B3GALT1: variants seen among roughly 807,000 people sequenced by gnomAD.
The protein encoded by B3GALT1 is UDP-Gal:betaGlcNAc beta 1,3-galactosyltransferase, polypeptide 1.
Under a neutral mutation model 23.2 loss-of-function variants are expected in B3GALT1, and 10 were observed. That is an observed-to-expected ratio of 0.43 (90% CI 0.27 to 0.73). The LOEUF is 0.73. Ranked by LOEUF, B3GALT1 falls within the 30% of genes least tolerant of loss-of-function variation. The pLI is 0.21. For synonymous variants in B3GALT1, 156 were observed against 141.5 expected, an observed-to-expected ratio of 1.10 and a Z score of -0.73; for missense variants, 299 against 405.4, an observed-to-expected ratio of 0.74 and a Z score of 2.25.
chr2:167,379,243 C>A (rs1697807421), intron 1 of B3GALT1, among the ~76,000 whole-genome samples: 1 of 152,082 alleles, frequency 6.6e-6, no homozygotes, highest in South Asian at 2.1e-4. Context: ...AACTCTCTAT[C>A]ATGAGAACAG....
chr2:167,658,162 A>G (rs1448837), intron 3 of B3GALT1, among the ~76,000 whole-genome samples: 146,768 of 152,202 alleles, frequency 0.96, 70,933 homozygotes, highest in Non-Finnish European at 1. Flanking sequence ...CAACATAGAC[A>G]GGGCTCCTGC....
At chr2:167,835,469 G>A (rs573161968) in intron 4 of B3GALT1, among the ~76,000 whole-genome samples, 14 of 152,350 alleles carry the variant, frequency 9.2e-5, no homozygotes, top group South Asian at 4.1e-4. Flanking sequence ...AAGTGGCAGC[G>A]AGGCTGGGGG....
chr2:167,446,268 C>A (rs529220837), intron 1 of B3GALT1, among the ~76,000 whole-genome samples: 1 of 152,304 alleles, frequency 6.6e-6, no homozygotes, highest in African/African-American at 2.4e-5. Context: ...TGTGGGTAAC[C>A]TGACCTTACT....
chr2:167,605,703 C>G (rs1291952797), intron 2 of B3GALT1, among the ~76,000 whole-genome samples: 1 of 152,186 alleles, frequency 6.6e-6, no homozygotes, highest in Non-Finnish European at 1.5e-5. Context: ...GAATTTGCAG[C>G]CATCTTTATT....
At chr2:167,606,290 G>A (rs1684960974) in intron 2 of B3GALT1, among the ~76,000 whole-genome samples, 1 of 152,064 alleles carries the variant, frequency 6.6e-6, no homozygotes, top group Non-Finnish European at 1.5e-5. Flanking sequence ...AACCTATGGG[G>A]GAATGTGCTT....
chr2:167,873,971 G>A lies in B3GALT1; in HGVS notation c.*3951G>A, dbSNP rs749518437. 1 of 152,302 alleles carries A rather than the reference G, an allele frequency of 6.6e-6. No homozygotes were observed. Among genetic ancestry groups the A allele is most frequent in the Admixed American group, 6.5e-5 (1 of 15,306 alleles). 9.4% of individuals were successfully genotyped at this position (152,302 alleles called of 1,614,324 possible). Reference sequence around the variant, plus strand: ...GCAATGCTTATGTACAGGCCCATCTGTCATGAGGAAGATTATGGTTCCATA... The same window carrying A: ...GCAATGCTTATGTACAGGCCCATCTATCATGAGGAAGATTATGGTTCCATA... On this transcript the variant is annotated 3_prime_UTR_variant, in exon 5 of 5. Transcript: ENST00000392690.
intron 3 of B3GALT1, among the ~76,000 whole-genome samples, chr2:167,746,699 A>G (rs1356193259): frequency 2.0e-5 from 3 of 152,240 alleles, no homozygotes; most frequent in South Asian, 2.1e-4. Flanking sequence ...AAAAATTAGT[A>G]TTCCATGTTA....
rs143365712 is a variant in B3GALT1 at position 167,824,862 on chromosome 2, C to T, written c.-230+6069C>T. 1.5e-4 allele frequency among the ~76,000 whole-genome samples: 23 copies of T among 152,282 alleles called. No homozygotes were observed. In the East Asian group the frequency reaches 4.4e-3, roughly 29 times the overall value. On this transcript the variant is annotated intron_variant, in intron 4 of 4. Transcript: ENST00000392690. The stretch of plus-strand genomic sequence containing the variant: ...AATTTACCTTTGCATATGTTGCATT[C>T]AGATGCCCTTCAGATATCCAAGTAC...
At chr2:167,302,818 A>G (rs1272337446) in intron 1 of B3GALT1, among the ~76,000 whole-genome samples, 1 of 152,202 alleles carries the variant, frequency 6.6e-6, no homozygotes, top group Non-Finnish European at 1.5e-5. Flanking sequence ...AAAGCTAAAA[A>G]TCATGCTTCC....
At chr2:167,332,189 C>T (rs1574036431) in intron 1 of B3GALT1, among the ~76,000 whole-genome samples, 2 of 152,102 alleles carry the variant, frequency 1.3e-5, no homozygotes, top group African/African-American at 4.8e-5. Flanking sequence ...TATAGGAGTC[C>T]ACAGCAGGAA....
chr2:167,866,348 T>C lies in B3GALT1; in HGVS notation c.-229-2463T>C, dbSNP rs550345885. ...TATTCCAGTAGCCTCCTAATGTAAA[T>C]TTTTATTCCACCATTTTATCCATTT... is the stretch of plus-strand genomic sequence containing the variant. On this transcript the variant is annotated intron_variant, in intron 4 of 4. Coordinates refer to ENST00000392690, the MANE Select transcript of B3GALT1 (RefSeq NM_020981.4). Among the ~76,000 whole-genome samples the C allele has an allele frequency of 2.0e-5, 3 of 152,316 alleles. No individual in the cohort carries two copies. In the South Asian group the frequency reaches 6.2e-4, roughly 32 times the overall value.
chr2:167,373,205 C>G (rs901643959), intron 1 of B3GALT1, among the ~76,000 whole-genome samples: 1 of 151,954 alleles, frequency 6.6e-6, no homozygotes, highest in Admixed American at 6.6e-5. Flanking sequence ...TACTGCACAT[C>G]ATATTCAAAA....
At chr2:167,840,209 C>G (rs1689608921) in intron 4 of B3GALT1, among the ~76,000 whole-genome samples, 1 of 151,570 alleles carries the variant, frequency 6.6e-6, no homozygotes, top group Admixed American at 6.6e-5. Context: ...AGCTTCTGCA[C>G]AGCAAAAGAA....
chr2:167,651,417 G>A (rs767884739), intron 3 of B3GALT1, among the ~76,000 whole-genome samples: 6 of 151,956 alleles, frequency 3.9e-5, no homozygotes, highest in South Asian at 2.1e-4. Context: ...TAACATCTTC[G>A]TTACTTTCCC....
chr2:167,652,930 A>G (rs1413016494), intron 3 of B3GALT1, among the ~76,000 whole-genome samples: 3 of 152,312 alleles, frequency 2.0e-5, no homozygotes, highest in African/African-American at 2.4e-5. Flanking sequence ...GTGTATTTAT[A>G]TGGATGTGTA....
At chr2:167,701,256 C>T (rs1167007639) in intron 3 of B3GALT1, among the ~76,000 whole-genome samples, 2 of 151,798 alleles carry the variant, frequency 1.3e-5, no homozygotes, top group Non-Finnish European at 2.9e-5. Context: ...AACACTAATT[C>T]CTGAAGCTTT....
chr2:167,780,473 G>A (rs1688228406), intron 3 of B3GALT1, among the ~76,000 whole-genome samples: 1 of 152,174 alleles, frequency 6.6e-6, no homozygotes, highest in Admixed American at 6.5e-5. Context: ...CTTGTTCATT[G>A]GCAGGCACTT....
chr2:167,479,011 C>T (rs1466024094), intron 1 of B3GALT1, among the ~76,000 whole-genome samples: 2 of 152,002 alleles, frequency 1.3e-5, no homozygotes, highest in Non-Finnish European at 2.9e-5. Flanking sequence ...TTTCAGTGAT[C>T]CTAGGTCGCG....
At position 167,873,215 on chromosome 2, in the gene B3GALT1, T is replaced by C. The variant is rs1050702059; in HGVS notation, c.*3195T>C. The C allele has an allele frequency of 1.3e-5, 2 of 152,214 alleles. No individual in the cohort carries two copies. Among genetic ancestry groups the C allele is most frequent in the Non-Finnish European group, 2.9e-5 (2 of 68,042 alleles). The allele number at this position is 152,214 out of a possible 1,614,324, so 9.4% of individuals were successfully genotyped here. Reference sequence around the variant, plus strand: ...TGGATAATAACAGTATCAGTGTCTATGTTCTTAAAGTTCCTTTTTTTAATT... The same window carrying C: ...TGGATAATAACAGTATCAGTGTCTACGTTCTTAAAGTTCCTTTTTTTAATT... On this transcript the variant is annotated 3_prime_UTR_variant, in exon 5 of 5. Transcript: ENST00000392690.
Sources: allele counts gnomAD v4.1 joint callset (sites outside exome capture counted in the v4.1 genomes callset), GRCh38; gene constraint gnomAD v4.1.1; transcripts MANE v1.5; gene names NCBI Gene and HGNC (gene_info 2026-07-23, HGNC 2026-07-21).